Variants in SLC28A3 observed in about 807,000 individuals in gnomAD.
The protein encoded by SLC28A3 is solute carrier family 28 member 3.
In SLC28A3, 68 loss-of-function variants were observed where a neutral mutation model predicts 84.2. The observed-to-expected ratio is 0.81, with a 90% CI of 0.66 to 0.99. The LOEUF is 0.99. Among genes scored for constraint, SLC28A3 ranks in the 50% least tolerant of loss-of-function variants. The pLI is 0.00. For synonymous variants in SLC28A3, 267 were observed against 303.6 expected, an observed-to-expected ratio of 0.88 and a Z score of 1.25; for missense variants, 712 against 841.5, an observed-to-expected ratio of 0.85 and a Z score of 1.90.
intron 1 of SLC28A3, among the ~76,000 whole-genome samples, chr9:84,320,094 G>A (rs891000092): frequency 8.5e-6 from 1 of 118,118 alleles, no homozygotes; most frequent in African/African-American, 3.5e-5. Context: ...CTGATGCCTA[G>A]GCTGGAGTGC....
At chr9:84,339,173 T>C (rs1049099066) in intron 1 of SLC28A3, among the ~76,000 whole-genome samples, 1 of 152,226 alleles carries the variant, frequency 6.6e-6, no homozygotes, top group African/African-American at 2.4e-5. Flanking sequence ...TTTGTTTTAA[T>C]GGTATATAAG....
Position 84,297,897 on chromosome 9 carries a change from C to G in SLC28A3, c.783+9G>C. On this transcript the variant is annotated intron_variant, in intron 7 of 17. Transcript: ENST00000376238. ...ATAAAAGCAAAGTGTTCTTTTGAAC[C>G]AAACTTACCTGAACTTGTCTGCCCA... is the stretch of plus-strand genomic sequence containing the variant. 1.9e-6 allele frequency: 3 copies of G among 1,588,808 alleles called. No individual in the cohort carries two copies. The highest frequency in any genetic ancestry group is 8.5e-7 in the Non-Finnish European group (1 of 1,173,706).
At chr9:84,362,074 T>C in the SLC28A3 span, among the ~76,000 whole-genome samples, 4 of 152,214 alleles carry the variant, frequency 2.6e-5, no homozygotes, top group Non-Finnish European at 5.9e-5. Context: ...ACCCGACTTA[T>C]TAGTGTTTTT....
chr9:84,338,496 A>T (rs1827055703), intron 1 of SLC28A3, among the ~76,000 whole-genome samples: 1 of 152,174 alleles, frequency 6.6e-6, no homozygotes, highest in African/African-American at 2.4e-5. Flanking sequence ...ATGAGTAAGG[A>T]TGACAGGAAA....
intron 8 of SLC28A3, among the ~76,000 whole-genome samples, chr9:84,295,874 A>C (rs1344938660): frequency 6.6e-6 from 1 of 152,210 alleles, no homozygotes; most frequent in Non-Finnish European, 1.5e-5. Context: ...AAAAAAATCC[A>C]TTAATAATAT....
At chr9:84,292,491 CTCTCTG>C (rs1825271082) in intron 10 of SLC28A3, 171 bp downstream of exon 10, 3 of 509,748 alleles carry the variant, frequency 5.9e-6, no homozygotes, top group South Asian at 5.2e-5. Flanking sequence ...CTCTCTCTCT[CTCTCTG>C]TCTCTCTCTC....
chr9:84,292,575 C>A, intron 10 of SLC28A3, 93 bp downstream of exon 10: 1 of 1,014,194 alleles, frequency 9.9e-7, no homozygotes, highest in Non-Finnish European at 1.4e-6. Flanking sequence ...TTTCTCTACA[C>A]TAAAAGAACA....
chr9:84,337,429 A>G (rs1194975836), intron 1 of SLC28A3, among the ~76,000 whole-genome samples: 1 of 146,290 alleles, frequency 6.8e-6, no homozygotes, highest in African/African-American at 2.6e-5. Flanking sequence ...TGGGGATGCT[A>G]GCCTGTGTGT....
chr9:84,276,966 C>T lies in SLC28A3; in HGVS notation c.*1252G>A, dbSNP rs1235746162. 6.6e-6 allele frequency: 1 copy of T among 152,212 alleles called. No homozygotes were observed. Among genetic ancestry groups the T allele is most frequent in the Non-Finnish European group, 1.5e-5 (1 of 68,042 alleles). 9.4% of individuals were successfully genotyped at this position (152,212 alleles called of 1,614,324 possible). ...TGCTATTAAGAGCAGTGGTGATGGG[C>T]ATTTCGTTAAAGAGCACACCACCAT... is the stretch of plus-strand genomic sequence containing the variant. On this transcript the variant is annotated 3_prime_UTR_variant, in exon 18 of 18. Transcript: ENST00000376238.
intron 1 of SLC28A3, among the ~76,000 whole-genome samples, chr9:84,340,329 CAAGAG>C (rs569727345): frequency 6.9e-4 from 105 of 152,242 alleles, no homozygotes; most frequent in Non-Finnish European, 1.3e-3. Context: ...GGAAAAAAGG[CAAGAG>C]AAGAAGGCTG....
chr9:84,365,500 G>C, the SLC28A3 span, among the ~76,000 whole-genome samples: 9,831 of 151,688 alleles, frequency 0.065, 617 homozygotes, highest in African/African-American at 0.16. Flanking sequence ...TTTTTTTTAA[G>C]TTGATATAAC....
intron 1 of SLC28A3, among the ~76,000 whole-genome samples, chr9:84,324,649 T>TAA (rs535469828): frequency 1.4e-5 from 2 of 142,148 alleles, no homozygotes; most frequent in Non-Finnish European, 3.1e-5. Context: ...GACCCTGTCT[T>TAA]AAAAAAAAAA....
At chr9:84,330,968 C>A (rs760452377) in intron 1 of SLC28A3, among the ~76,000 whole-genome samples, 1 of 152,086 alleles carries the variant, frequency 6.6e-6, no homozygotes, top group Non-Finnish European at 1.5e-5. Flanking sequence ...TAATTATTTT[C>A]TATTTTCTTT....
intron 4 of SLC28A3, among the ~76,000 whole-genome samples, chr9:84,303,565 C>G (rs943118650): frequency 6.6e-6 from 1 of 152,166 alleles, no homozygotes; most frequent in Non-Finnish European, 1.5e-5. Context: ...GGTGATCCAC[C>G]CACCTCGGCC....
the SLC28A3 span, among the ~76,000 whole-genome samples, chr9:84,357,677 C>G: frequency 2.2e-3 from 340 of 152,172 alleles, 1 homozygote; most frequent in African/African-American, 7.9e-3. Flanking sequence ...AAAGGGTTGT[C>G]CTACTCAGTG....
rs1824941922 is a variant in SLC28A3, at chr9:84,285,420, C to T, written c.1572G>A (p.Glu524=). The T allele has an allele frequency of 1.9e-6, 3 of 1,614,136 alleles. No individual in the cohort carries two copies. The highest frequency in any genetic ancestry group is 2.5e-6 in the Non-Finnish European group (3 of 1,180,012). Reference sequence around the variant, plus strand: ...TCAAGTGGATCCATTTTGAGAGGTGCTCATAAGCCACAAATTCATTGAAGA... The same window carrying T: ...TCAAGTGGATCCATTTTGAGAGGTGTTCATAAGCCACAAATTCATTGAAGA... ...KTFFNEFVAY[E]HLSKWIHLRK... Residue 524 remains glutamate, a synonymous_variant, in exon 14 of 18, where the codon GAG becomes GAA. Transcript: ENST00000376238.
intron 14 of SLC28A3, among the ~76,000 whole-genome samples, chr9:84,283,641 G>A (rs1247930919): frequency 2.6e-5 from 4 of 152,182 alleles, no homozygotes; most frequent in Non-Finnish European, 1.5e-5. Flanking sequence ...AATAAAAACA[G>A]GCAAAGTATT....
chr9:84,304,867 C>G (rs926209188), intron 4 of SLC28A3, among the ~76,000 whole-genome samples: 1 of 152,064 alleles, frequency 6.6e-6, no homozygotes, highest in Non-Finnish European at 1.5e-5. Flanking sequence ...ACTAAAAATA[C>G]AAAAATTAGC....
intron 3 of SLC28A3, among the ~76,000 whole-genome samples, chr9:84,306,185 T>G (rs528615046): frequency 6.6e-6 from 1 of 152,280 alleles, no homozygotes; most frequent in East Asian, 1.9e-4. Context: ...TGGAAGGAAC[T>G]TCTTGCATAT....
Sources: gnomAD v4.1 joint callset for allele counts (sites outside exome capture counted in the v4.1 genomes callset) on GRCh38, gnomAD v4.1.1 for gene constraint, MANE v1.5 for transcripts, NCBI Gene and HGNC (gene_info 2026-07-23, HGNC 2026-07-21) for gene names.